COL23A1: variants seen among roughly 807,000 people sequenced by gnomAD.
COL23A1 encodes collagen type XXIII alpha 1 chain, also known as collagen alpha-1(XXIII) chain.
In COL23A1, 97 loss-of-function variants were observed where a neutral mutation model predicts 99.3. The ratio of observed to expected loss-of-function variants is 0.98; its 90% CI spans 0.83 to 1.16. The LOEUF is 1.16. Ranked by LOEUF, COL23A1 falls within the 50% of genes most tolerant of loss-of-function variation. COL23A1 has a pLI of 0.00. For missense variants in COL23A1, 762 were observed against 757.4 expected (o/e 1.01, Z -0.07); for synonymous variants, 320 against 308.2 (o/e 1.04, Z -0.40).
chr5:178,502,288 C>T (rs1022875152), intron 2 of COL23A1, among the ~76,000 whole-genome samples: 56 of 152,248 alleles, frequency 3.7e-4, no homozygotes, highest in East Asian at 5.8e-4. Context: ...CCCGCCACCA[C>T]GCCCGGCTAA....
chr5:178,246,406 G>T lies in COL23A1; in HGVS notation c.1344C>A (p.Gly448=). The T allele has an allele frequency of 1.3e-6, 2 of 1,580,572 alleles. No individual in the cohort carries two copies. The highest frequency in any genetic ancestry group is 1.2e-5 in the South Asian group (1 of 86,254). Residue 448 remains glycine (G), a synonymous_variant, in exon 23 of 29, where the codon GGC becomes GGA. Transcript: ENST00000390654. ...KGEKGASGER[G]PSGLPGPVGP... ...TGAGACTCACAGGCAGGCCGCTGGG[G>T]CCTCTCTCACCCGACGCACCCTTCT...
chr5:178,347,487 G>A, intron 2 of COL23A1, among the ~76,000 whole-genome samples: 1 of 152,012 alleles, frequency 6.6e-6, no homozygotes, highest in East Asian at 1.9e-4. Context: ...AAACTTTCTG[G>A]AATCAGACAG....
intron 2 of COL23A1, among the ~76,000 whole-genome samples, chr5:178,403,494 G>A (rs1405360614): frequency 1.3e-5 from 2 of 152,154 alleles, no homozygotes; most frequent in African/African-American, 4.8e-5. Flanking sequence ...TTCATCGATG[G>A]TGTCCACTCA....
At chr5:178,433,167 C>A (rs1766356293) in intron 2 of COL23A1, among the ~76,000 whole-genome samples, 1 of 151,882 alleles carries the variant, frequency 6.6e-6, no homozygotes, top group Non-Finnish European at 1.5e-5. Flanking sequence ...GCCCAGTCCC[C>A]CAAGACTGCT....
rs1469284435 is a variant in COL23A1, at chr5:178,419,205, C to T, written c.362-112286G>A. Among the ~76,000 whole-genome samples, 3 of 152,202 alleles carry T rather than the reference C, an allele frequency of 2.0e-5. No homozygotes were observed. In the South Asian group the frequency reaches 6.2e-4, roughly 31 times the overall value. Reference sequence around the variant, plus strand: ...ACCTGCTGGCCCTCTGTCCCTCAGTCCCTAGAGCCAAATGTCTTCTCTGAC... The same window carrying T: ...ACCTGCTGGCCCTCTGTCCCTCAGTTCCTAGAGCCAAATGTCTTCTCTGAC... On this transcript the variant is annotated intron_variant, in intron 2 of 28. Coordinates refer to ENST00000390654, the MANE Select transcript of COL23A1 (RefSeq NM_173465.4).
intron 2 of COL23A1, among the ~76,000 whole-genome samples, chr5:178,539,751 A>G (rs1407361295): frequency 2.0e-5 from 3 of 152,174 alleles, no homozygotes; most frequent in Non-Finnish European, 2.9e-5. Flanking sequence ...GAGAATAGAA[A>G]TGGGGTAACA....
rs1379817733 is a variant in COL23A1, at chr5:178,498,213, T to C, written c.361+62469A>G. On this transcript the variant is annotated intron_variant, in intron 2 of 28. Transcript: ENST00000390654. The stretch of plus-strand genomic sequence containing the variant: ...GACCCTGTCTTTATTTAAATATATA[T>C]ATATATATATATATATATATATATA... Among the ~76,000 whole-genome samples, 32 of 28,478 alleles carry C rather than the reference T, an allele frequency of 1.1e-3. No homozygotes were observed. In the African/African-American group the frequency reaches 0.011, roughly 10 times the overall value. The allele number at this position is 28,478 out of a possible 152,430, so 18.7% of individuals were successfully genotyped here. A position where few individuals can be genotyped will look rare whatever the true frequency, so the allele number is the denominator to read the frequency against.
chr5:178,555,971 G>GCCTGCAGC (rs137994651), intron 2 of COL23A1, among the ~76,000 whole-genome samples: 1,856 of 152,280 alleles, frequency 0.012, 40 homozygotes, highest in African/African-American at 0.042. Context: ...ATACCCTCAG[G>GCCTGCAGC]CCTGCAGCGT....
intron 2 of COL23A1, among the ~76,000 whole-genome samples, chr5:178,353,248 T>C (rs1279051338): frequency 2.3e-5 from 3 of 130,368 alleles, no homozygotes; most frequent in African/African-American, 8.9e-5. Context: ...AATGAAGCTA[T>C]AACAGTAGTA....
chr5:178,346,732 A>C (rs1008517670), intron 2 of COL23A1, among the ~76,000 whole-genome samples: 1 of 152,174 alleles, frequency 6.6e-6, no homozygotes, highest in Non-Finnish European at 1.5e-5. Flanking sequence ...CTTCCCCCCG[A>C]AAAGATCATG....
At chr5:178,487,956 A>G (rs1380243536) in intron 2 of COL23A1, among the ~76,000 whole-genome samples, 1 of 152,238 alleles carries the variant, frequency 6.6e-6, no homozygotes, top group Admixed American at 6.5e-5. Flanking sequence ...TTAAGAACAA[A>G]TAAGACAGTG....
At chr5:178,499,734 A>G (rs1400601915) in intron 2 of COL23A1, among the ~76,000 whole-genome samples, 2 of 152,272 alleles carry the variant, frequency 1.3e-5, no homozygotes, top group Non-Finnish European at 2.9e-5. Context: ...ATGTGTTCAT[A>G]CAGAGACTGG....
intron 2 of COL23A1, among the ~76,000 whole-genome samples, chr5:178,518,441 C>T (rs1248910685): frequency 1.3e-5 from 2 of 150,704 alleles, no homozygotes; most frequent in Non-Finnish European, 1.5e-5. Flanking sequence ...GGTGGCCGGG[C>T]AGAGGGGCTC....
chr5:178,578,148 T>C (rs1763487112), intron 1 of COL23A1, among the ~76,000 whole-genome samples: 1 of 151,074 alleles, frequency 6.6e-6, no homozygotes, highest in African/African-American at 2.4e-5. Flanking sequence ...TGCACACACA[T>C]GCACACACAG....
intron 2 of COL23A1, among the ~76,000 whole-genome samples, chr5:178,498,599 T>C (rs551001224): frequency 6.6e-6 from 1 of 152,164 alleles, no homozygotes; most frequent in South Asian, 2.1e-4. Context: ...GAGAACTAGA[T>C]AAGCCTAGAA....
intron 2 of COL23A1, among the ~76,000 whole-genome samples, chr5:178,424,399 C>T (rs1361134809): frequency 1.3e-5 from 2 of 152,228 alleles, no homozygotes; most frequent in Non-Finnish European, 2.9e-5. Flanking sequence ...GACGCACACA[C>T]GGAACAGCCA....
intron 2 of COL23A1, among the ~76,000 whole-genome samples, chr5:178,380,925 C>T (rs534229089): frequency 1.3e-5 from 2 of 152,314 alleles, no homozygotes; most frequent in South Asian, 2.1e-4. Flanking sequence ...AGGGCAAAGA[C>T]GCACCCTGGA....
chr5:178,450,480 A>G (rs888231649), intron 2 of COL23A1, among the ~76,000 whole-genome samples: 1 of 152,142 alleles, frequency 6.6e-6, no homozygotes, highest in Non-Finnish European at 1.5e-5. Flanking sequence ...AGGAGAGGAC[A>G]TCGCACGCTG....
intron 2 of COL23A1, among the ~76,000 whole-genome samples, chr5:178,362,091 G>C (rs921870467): frequency 7.9e-5 from 12 of 152,348 alleles, no homozygotes; most frequent in African/African-American, 2.6e-4. Context: ...GGCTTCCTAG[G>C]TCCAACTTTT....
Sources: allele counts gnomAD v4.1 joint callset (sites outside exome capture counted in the v4.1 genomes callset), GRCh38; gene constraint gnomAD v4.1.1; transcripts MANE v1.5; gene names NCBI Gene and HGNC (gene_info 2026-07-23, HGNC 2026-07-21).